FAM184B: variants seen among roughly 807,000 people sequenced by gnomAD.
FAM184B encodes the protein family with sequence similarity 184 member B.
In FAM184B, 111 loss-of-function variants were observed where a neutral mutation model predicts 135.9. That is an observed-to-expected ratio of 0.82 (90% CI 0.70 to 0.96). The LOEUF (loss-of-function observed/expected upper bound fraction) is 0.96, where lower values mean the gene tolerates loss of function less well. Among genes scored for constraint, FAM184B ranks in the 40% least tolerant of loss-of-function variants. FAM184B has a pLI of 0.00. For synonymous variants in FAM184B, 552 were observed against 524.8 expected, an observed-to-expected ratio of 1.05 and a Z score of -0.71; for missense variants, 1,375 against 1,323.9, an observed-to-expected ratio of 1.04 and a Z score of -0.60.
At chr4:17,746,538 C>T (rs1028171533) in intron 1 of FAM184B, among the ~76,000 whole-genome samples, 1 of 151,046 alleles carries the variant, frequency 6.6e-6, no homozygotes, top group Non-Finnish European at 1.5e-5. Context: ...CGAGACCATC[C>T]TGGCTAACAC....
chr4:17,701,560 C>G (rs1716986136), intron 5 of FAM184B, among the ~76,000 whole-genome samples: 1 of 152,196 alleles, frequency 6.6e-6, no homozygotes, highest in Admixed American at 6.5e-5. Context: ...GAGCCCTCCT[C>G]TTATTATAGA....
At chr4:17,655,752 G>A (rs988581752) in intron 10 of FAM184B, among the ~76,000 whole-genome samples, 1 of 152,120 alleles carries the variant, frequency 6.6e-6, no homozygotes, top group African/African-American at 2.4e-5. Context: ...GGCAGCTCGT[G>A]GTAGCTACTC....
chr4:17,749,537 G>A (rs962982167), intron 1 of FAM184B, among the ~76,000 whole-genome samples: 2 of 151,844 alleles, frequency 1.3e-5, no homozygotes, highest in African/African-American at 4.8e-5. Context: ...TCTAAAAATT[G>A]GATTATTAAA....
chr4:17,781,370 GC>G lies in FAM184B; in HGVS notation c.-72del. ...CCACCGTGTGCACGTGCGTGCGCGC[GC>G]GGGCGTGCGAGCGTGTGGGTTTCTC... is the stretch of plus-strand genomic sequence containing the variant. On this transcript the variant is annotated 5_prime_UTR_variant, in exon 1 of 18. Coordinates refer to ENST00000265018, the MANE Select transcript of FAM184B (RefSeq NM_015688.2). The surrounding 1 kb of genome is among the most constrained non-coding windows in gnomAD (Gnocchi z 6.5). 7.1e-7 allele frequency: 1 copy of G among 1,403,946 alleles called. No homozygotes were observed. Among genetic ancestry groups the G allele is most frequent in the Non-Finnish European group, 9.3e-7 (1 of 1,072,920 alleles). 87.0% of individuals were successfully genotyped at this position (1,403,946 alleles called of 1,614,324 possible).
intron 1 of FAM184B, among the ~76,000 whole-genome samples, chr4:17,719,721 A>G (rs1023470301): frequency 4.8e-4 from 73 of 152,168 alleles, no homozygotes; most frequent in Non-Finnish European, 1.6e-4. Context: ...ACACCCCTTT[A>G]TAGCAAACTC....
chr4:17,731,069 C>T (rs1334165528), intron 1 of FAM184B, among the ~76,000 whole-genome samples: 1 of 152,074 alleles, frequency 6.6e-6, no homozygotes, highest in Non-Finnish European at 1.5e-5. Flanking sequence ...TCATATCCAG[C>T]CGAACTAAGC....
At chr4:17,692,391 T>C (rs1173929930) in intron 6 of FAM184B, among the ~76,000 whole-genome samples, 1 of 152,172 alleles carries the variant, frequency 6.6e-6, no homozygotes, top group African/African-American at 2.4e-5. Flanking sequence ...AAAGACATAC[T>C]CATCATTTTT....
At chr4:17,654,876 G>A (rs541835659) in intron 10 of FAM184B, among the ~76,000 whole-genome samples, 1 of 152,044 alleles carries the variant, frequency 6.6e-6, no homozygotes, top group East Asian at 1.9e-4. Context: ...TTTTTGAGAC[G>A]AGGTCTCACT....
chr4:17,736,578 T>G (rs1717912588), intron 1 of FAM184B, among the ~76,000 whole-genome samples: 1 of 152,196 alleles, frequency 6.6e-6, no homozygotes, highest in African/African-American at 2.4e-5. Flanking sequence ...TCATCAGTTC[T>G]CAACCTACAA....
At chr4:17,661,581 T>C (rs1715922342) in intron 8 of FAM184B, among the ~76,000 whole-genome samples, 1 of 152,100 alleles carries the variant, frequency 6.6e-6, no homozygotes, top group Non-Finnish European at 1.5e-5. Flanking sequence ...AAACTGTACA[T>C]ATTAAAAGAG....
intron 5 of FAM184B, among the ~76,000 whole-genome samples, chr4:17,700,349 C>T (rs1257617196): frequency 2.0e-5 from 3 of 152,040 alleles, no homozygotes; most frequent in Non-Finnish European, 2.9e-5. Context: ...ATACACTAAC[C>T]GTAAACATGC....
chr4:17,651,587 A>G (rs1190572803), intron 11 of FAM184B, among the ~76,000 whole-genome samples: 1 of 151,598 alleles, frequency 6.6e-6, no homozygotes, highest in Non-Finnish European at 1.5e-5. Context: ...ATTCAGTCAT[A>G]ATGTAACAGG....
intron 1 of FAM184B, among the ~76,000 whole-genome samples, chr4:17,767,446 G>T (rs1399331771): frequency 6.6e-6 from 1 of 152,192 alleles, no homozygotes; most frequent in East Asian, 1.9e-4. Flanking sequence ...AAGGCAAATT[G>T]CTAAAGGAAG....
In FAM184B at chr4:17,707,702, G is replaced by C; in HGVS notation, c.977C>G (p.Ala326Gly). The change falls in exon 3 of 18, where the codon GCT (alanine) becomes GGT (glycine). Residue 326 changes from alanine (A) to glycine (G), a missense_variant. Physicochemically the swap from Ala to Gly is moderately conservative, Grantham distance 60. Coordinates refer to ENST00000265018, the MANE Select transcript of FAM184B (RefSeq NM_015688.2). ...GTAKKLGEKLAVAKDRMMLQE... is the reference protein window; with the variant it reads ...GTAKKLGEKLGVAKDRMMLQE... ...CAGCATCATTCTGTCTTTGGCAACA[G>C]CCAGCTTCTCCCCAAGTTTTTTTGC... The C allele has an allele frequency of 6.4e-7, 1 of 1,551,826 alleles. No individual in the cohort carries two copies. The highest frequency in any genetic ancestry group is 8.7e-7 in the Non-Finnish European group (1 of 1,147,038).
At chr4:17,667,672 T>C (rs1197567652) in intron 7 of FAM184B, among the ~76,000 whole-genome samples, 1 of 152,162 alleles carries the variant, frequency 6.6e-6, no homozygotes, top group Admixed American at 6.5e-5. Context: ...CTGAGTTAAC[T>C]CTGCTAAGCC....
chr4:17,735,644 AAAAAG>A (rs1400013454), intron 1 of FAM184B, among the ~76,000 whole-genome samples: 3 of 152,292 alleles, frequency 2.0e-5, no homozygotes, highest in Admixed American at 2.0e-4. Flanking sequence ...GACAAATATG[AAAAAG>A]AAACCCTTCT....
Position 17,658,521 on chromosome 4 carries a change from G to T in FAM184B, c.1866C>A (p.Asn622Lys). The stretch of plus-strand genomic sequence containing the variant: ...TGAGTGCCTGCAGGTCCTCCCTGTA[G>T]TTGCTGGTGCACTGCTCCAGAGCCT... ...MQQALEQCTS[N>K]YREDLQALKQ... is the part of the protein sequence containing the mutation. Residue 622 changes from asparagine (N) to lysine (K), a missense_variant, in exon 10 of 18, where the codon AAC (asparagine) becomes AAA (lysine). Coordinates refer to ENST00000265018, the MANE Select transcript of FAM184B (RefSeq NM_015688.2). 6.4e-7 allele frequency: 1 copy of T among 1,551,480 alleles called. No homozygotes were observed. The highest frequency in any genetic ancestry group is 8.7e-7 in the Non-Finnish European group (1 of 1,146,998).
intron 10 of FAM184B, among the ~76,000 whole-genome samples, chr4:17,653,912 G>A (rs1435178073): frequency 3.6e-5 from 5 of 137,632 alleles, no homozygotes; most frequent in African/African-American, 1.3e-4. Context: ...GGAAGCAGAG[G>A]TCAGAGAGGG....
At chr4:17,740,457 T>C (rs944700073) in intron 1 of FAM184B, among the ~76,000 whole-genome samples, 3 of 151,658 alleles carry the variant, frequency 2.0e-5, no homozygotes, top group Non-Finnish European at 4.4e-5. Context: ...TGCATACATA[T>C]AGCAAACATA....
Sources: allele counts gnomAD v4.1 joint callset (sites outside exome capture counted in the v4.1 genomes callset), GRCh38; gene constraint gnomAD v4.1.1; non-coding constraint Gnocchi (gnomAD v3.1); transcripts MANE v1.5; gene names NCBI Gene and HGNC (gene_info 2026-07-23, HGNC 2026-07-21).